The following KIF26B variants were observed in gnomAD, a reference collection of about 807,000 sequenced individuals.
The protein encoded by KIF26B is kinesin-like protein KIF26B.
Under a neutral mutation model 151.2 loss-of-function variants are expected in KIF26B, and 63 were observed. That is an observed-to-expected ratio of 0.42 (90% CI 0.34 to 0.51). The LOEUF (loss-of-function observed/expected upper bound fraction) is 0.51, where lower values mean the gene tolerates loss of function less well. KIF26B is among the 20% of genes least tolerant of loss of function. KIF26B has a pLI of 0.07. For synonymous variants in KIF26B, 1,357 were observed against 1,262.1 expected (o/e 1.08, Z -1.59); for missense variants, 2,813 against 2,913.6 (o/e 0.97, Z 0.79).
Position 245,564,394 on chromosome 1 carries a change from G to GAGA in KIF26B, c.1350+23444_1350+23445insAGA. Among the ~76,000 whole-genome samples the GAGA allele has an allele frequency of 6.6e-6, 1 of 152,062 alleles. No individual in the cohort carries two copies. Among genetic ancestry groups the GAGA allele is most frequent in the East Asian group, 1.9e-4 (1 of 5,188 alleles). ...TTTCCCGGAGCAGGAACGGGGCCAC[G>GAGA]GCCGTGTTTGCATTTTCTGAACCCA... On this transcript the variant is annotated intron_variant, in intron 5 of 14. Coordinates refer to ENST00000407071, the MANE Select transcript of KIF26B (RefSeq NM_018012.4). The surrounding 1 kb of genome is among the most constrained non-coding windows in gnomAD (Gnocchi z 4.6).
Position 245,419,612 on chromosome 1 carries a change from G to A in KIF26B, c.1033G>A (p.Gly345Arg). Residue 345 changes from glycine to arginine, a missense_variant, in exon 4 of 15, where the codon GGA becomes AGA. This residue lies in a region of KIF26B where 676 missense variants were observed against 688.1 expected (regional missense o/e 0.98). Transcript: ENST00000407071. The stretch of plus-strand genomic sequence containing the variant: ...GCTGATGACAGAGAGTAGCCGGGAG[G>A]GACTAACAGAAGCAGTGCTGAACCG... ...SQLMTESSREGLTEAVLNRYN... is the reference protein window; with the variant it reads ...SQLMTESSRERLTEAVLNRYN... 6.2e-7 allele frequency: 1 copy of A among 1,613,038 alleles called. No homozygotes were observed. Among genetic ancestry groups the A allele is most frequent in the Non-Finnish European group, 8.5e-7 (1 of 1,179,376 alleles).
intron 9 of KIF26B, among the ~76,000 whole-genome samples, chr1:245,622,667 T>C (rs2043677157): frequency 6.6e-6 from 1 of 152,202 alleles, no homozygotes; most frequent in East Asian, 1.9e-4. Context: ...GCCATTTTCC[T>C]TCTGTGCAGA....
intron 6 of KIF26B, among the ~76,000 whole-genome samples, chr1:245,607,012 G>C (rs2043462085): frequency 1.5e-5 from 2 of 137,888 alleles, no homozygotes; most frequent in Admixed American, 1.6e-4. Flanking sequence ...GTTGCAGTGA[G>C]TTGAGATCGC....
chr1:245,283,225 G>C (rs1310506096), intron 2 of KIF26B: 1 of 159,300 alleles, frequency 6.3e-6, no homozygotes, highest in East Asian at 1.9e-4. Context: ...CAAGTCCACC[G>C]ACAGCAAGCC....
chr1:245,595,181 C>T (rs1468280001), intron 5 of KIF26B, among the ~76,000 whole-genome samples: 1 of 152,136 alleles, frequency 6.6e-6, no homozygotes, highest in Non-Finnish European at 1.5e-5. Context: ...TCGCCCTGGC[C>T]AGAACTTCCA....
intron 9 of KIF26B, among the ~76,000 whole-genome samples, chr1:245,615,364 C>CT (rs1325048326): frequency 6.6e-6 from 1 of 152,136 alleles, no homozygotes; most frequent in African/African-American, 2.4e-5. Flanking sequence ...CGGTTTTGTA[C>CT]TTTTTTTCTT....
chr1:245,313,276 T>A (rs1671699431), intron 2 of KIF26B, among the ~76,000 whole-genome samples: 1 of 152,156 alleles, frequency 6.6e-6, no homozygotes, highest in African/African-American at 2.4e-5. Context: ...GCTTCACTGG[T>A]TTATGCAAAG....
intron 4 of KIF26B, among the ~76,000 whole-genome samples, chr1:245,524,296 G>A (rs1162620183): frequency 6.6e-6 from 1 of 152,166 alleles, no homozygotes; most frequent in African/African-American, 2.4e-5. Flanking sequence ...ACAGACCCTT[G>A]AGGTAGTTAC....
At chr1:245,397,064 A>G (rs544670778) in intron 3 of KIF26B, among the ~76,000 whole-genome samples, 1 of 151,714 alleles carries the variant, frequency 6.6e-6, no homozygotes, top group East Asian at 1.9e-4. Context: ...GGCTCAAGCA[A>G]TCCTCACACC....
intron 2 of KIF26B, among the ~76,000 whole-genome samples, chr1:245,292,146 G>A (rs2102973600): frequency 6.6e-6 from 1 of 152,298 alleles, no homozygotes; most frequent in South Asian, 2.1e-4. Flanking sequence ...TACCCAGCGG[G>A]GTGTGAGGAA....
At chr1:245,481,596 A>G (rs1660168892) in intron 4 of KIF26B, among the ~76,000 whole-genome samples, 1 of 151,836 alleles carries the variant, frequency 6.6e-6, no homozygotes, top group Non-Finnish European at 1.5e-5. Context: ...TTTTGCGTGA[A>G]GCTAATATTT....
chr1:245,656,484 A>C (rs1000200705), intron 10 of KIF26B, among the ~76,000 whole-genome samples: 4 of 152,226 alleles, frequency 2.6e-5, no homozygotes, highest in African/African-American at 9.6e-5. Flanking sequence ...GTGATCTTTA[A>C]TGACGACTAA....
chr1:245,341,569 C>G lies in KIF26B; in HGVS notation c.466-25265C>G, dbSNP rs879315354. Among the ~76,000 whole-genome samples the G allele has an allele frequency of 2.0e-5, 3 of 152,196 alleles. No homozygotes were observed. In the East Asian group the frequency reaches 5.8e-4, roughly 29 times the overall value. The stretch of plus-strand genomic sequence containing the variant: ...ACTCCTGGGCTCAAGTGATCCTCCC[C>G]CCTTGGCGTCCCAAAGTGCTGGGAT... On this transcript the variant is annotated intron_variant, in intron 2 of 14. Transcript: ENST00000407071.
At chr1:245,439,772 G>C (rs1418719027) in intron 4 of KIF26B, among the ~76,000 whole-genome samples, 1 of 152,180 alleles carries the variant, frequency 6.6e-6, no homozygotes, top group Non-Finnish European at 1.5e-5. Context: ...GGGGATGTAA[G>C]GACTTTGTTG....
At chr1:245,652,058 G>C (rs2103190582) in intron 10 of KIF26B, among the ~76,000 whole-genome samples, 1 of 151,136 alleles carries the variant, frequency 6.6e-6, no homozygotes, top group East Asian at 2.0e-4. Flanking sequence ...CAGTTCTCCA[G>C]ATTTGTTTAA....
At chr1:245,633,524 T>C (rs1469741935) in intron 9 of KIF26B, among the ~76,000 whole-genome samples, 1 of 152,144 alleles carries the variant, frequency 6.6e-6, no homozygotes, top group Non-Finnish European at 1.5e-5. Flanking sequence ...GTGTATCTGC[T>C]CTCCCAGTGA....
intron 3 of KIF26B, among the ~76,000 whole-genome samples, chr1:245,401,890 G>C (rs3121258): frequency 0.5 from 64,088 of 127,480 alleles, 15,656 homozygotes; most frequent in South Asian, 0.65. Flanking sequence ...AACAAACAAA[G>C]AAACACACAC....
chr1:245,373,178 G>A (rs764498944), intron 3 of KIF26B, among the ~76,000 whole-genome samples: 2 of 152,158 alleles, frequency 1.3e-5, no homozygotes, highest in Non-Finnish European at 2.9e-5. Flanking sequence ...CCTCACAGCA[G>A]CTAACGTGAA....
intron 2 of KIF26B, among the ~76,000 whole-genome samples, chr1:245,185,255 C>T (rs1207043255): frequency 6.6e-6 from 1 of 151,990 alleles, no homozygotes; most frequent in Non-Finnish European, 1.5e-5. Context: ...TCTCCTGCCT[C>T]AGCCTCCCGG....
Sources: gnomAD v4.1 joint callset for allele counts (sites outside exome capture counted in the v4.1 genomes callset) on GRCh38, gnomAD v4.1.1 for gene constraint, gnomAD v4.1.1 regional missense constraint, Gnocchi (gnomAD v3.1) non-coding constraint, MANE v1.5 for transcripts, NCBI Gene and HGNC (gene_info 2026-07-23, HGNC 2026-07-21) for gene names.